ITGAE: variants seen among roughly 807,000 people sequenced by gnomAD.
ITGAE encodes integrin alpha-E.
Under a neutral mutation model 136.5 loss-of-function variants are expected in ITGAE, and 99 were observed. That is an observed-to-expected ratio of 0.73 (90% CI 0.62 to 0.86). The LOEUF (loss-of-function observed/expected upper bound fraction) is 0.86, where lower values mean the gene tolerates loss of function less well. Among genes scored for constraint, ITGAE ranks in the 40% least tolerant of loss-of-function variants. ITGAE has a pLI of 0.00. For missense variants in ITGAE, 1,447 were observed against 1,515.3 expected (o/e 0.95, Z 0.75); for synonymous variants, 613 against 591.8 (o/e 1.04, Z -0.52).
intron 2 of ITGAE, among the ~76,000 whole-genome samples, chr17:3,768,193 C>T (rs1021041182): frequency 1.3e-5 from 2 of 152,070 alleles, no homozygotes; most frequent in African/African-American, 2.4e-5. Context: ...GGCATGATCA[C>T]GGTTCACTGC....
chr17:3,718,023 C>T (rs531186108), intron 29 of ITGAE: 1 of 152,396 alleles, frequency 6.6e-6, no homozygotes, highest in South Asian at 2.1e-4. Flanking sequence ...CCCACAGATT[C>T]CCAAAAGTGC....
At chr17:3,785,565 A>G (rs747514330) in intron 1 of ITGAE, among the ~76,000 whole-genome samples, 98 of 151,818 alleles carry the variant, frequency 6.5e-4, no homozygotes, top group Non-Finnish European at 4.1e-4. Flanking sequence ...GAAAACTAGA[A>G]AAATCTGAAC....
At position 3,801,020 on chromosome 17, in the gene ITGAE, CAG is replaced by C. The variant is rs2053245936; in HGVS notation, c.34+89_34+90del. 4 of 1,439,160 alleles carry C rather than the reference CAG, an allele frequency of 2.8e-6. No individual in the cohort carries two copies. The East Asian group carries it at 6.8e-5, about 25-fold the overall frequency. The allele number at this position is 1,439,160 out of a possible 1,614,324, so 89.1% of individuals were successfully genotyped here. A position where few individuals can be genotyped will look rare whatever the true frequency, so the allele number is the denominator to read the frequency against. The stretch of plus-strand genomic sequence containing the variant: ...ACCTCTGGCTCTAACTGAGCCCCAT[CAG>C]AGACAGACAGTCAAGGCTGTAGTCT... On this transcript the variant is annotated intron_variant, in intron 1 of 30. Coordinates refer to ENST00000263087, the MANE Select transcript of ITGAE (RefSeq NM_002208.5).
chr17:3,770,859 G>GAA (rs2052404260), intron 2 of ITGAE, among the ~76,000 whole-genome samples: 1 of 151,910 alleles, frequency 6.6e-6, no homozygotes, highest in Non-Finnish European at 1.5e-5. Context: ...TGAGAGAGGG[G>GAA]CTGTGAATGT....
At chr17:3,743,175 C>A (rs2051626754) in intron 19 of ITGAE, among the ~76,000 whole-genome samples, 1 of 152,220 alleles carries the variant, frequency 6.6e-6, no homozygotes, top group Non-Finnish European at 1.5e-5. Flanking sequence ...GAGCCGCTTG[C>A]CAAGTGAGGT....
At chr17:3,800,488 C>T (rs4300684) in intron 1 of ITGAE, among the ~76,000 whole-genome samples, 19,504 of 152,204 alleles carry the variant, frequency 0.13, 1,626 homozygotes, top group African/African-American at 0.24. Flanking sequence ...CCCGAAAGGA[C>T]TCATGGCTTG....
chr17:3,784,202 G>A (rs1419867694), intron 1 of ITGAE, among the ~76,000 whole-genome samples: 1 of 152,006 alleles, frequency 6.6e-6, no homozygotes, highest in Non-Finnish European at 1.5e-5. Flanking sequence ...GGAGCTTGCA[G>A]TGAGCCGAGA....
intron 29 of ITGAE, 164 bp from the exon 30 acceptor site, chr17:3,716,962 T>G (rs2050955746): frequency 1.7e-6 from 1 of 572,852 alleles, no homozygotes; most frequent in Non-Finnish European, 3.1e-6. Context: ...TGATGCAGCA[T>G]TTTAGATCAT....
In ITGAE at chr17:3,748,056, A is replaced by G; in HGVS notation, c.2025-4T>C. On this transcript the variant is annotated splice_region_variant and splice_polypyrimidine_tract_variant and intron_variant, in intron 16 of 30. Transcript: ENST00000263087. The stretch of plus-strand genomic sequence containing the variant: ...CAGGCGAACCACAGGCCGGGAGCTA[A>G]ACAAGACAGCAAAGAGGATGGGAGA... The G allele has an allele frequency of 6.2e-7, 1 of 1,605,602 alleles. No individual in the cohort carries two copies. Among genetic ancestry groups the G allele is most frequent in the Non-Finnish European group, 8.5e-7 (1 of 1,174,812 alleles).
chr17:3,724,727 G>C (rs1349749878), intron 26 of ITGAE: 1 of 1,614,118 alleles, frequency 6.2e-7, no homozygotes, highest in African/African-American at 1.3e-5. Flanking sequence ...CAGATGGGAA[G>C]AATATGAGAG....
chr17:3,737,922 A>G (rs1466914702), intron 20 of ITGAE, among the ~76,000 whole-genome samples: 1 of 152,344 alleles, frequency 6.6e-6, no homozygotes, highest in East Asian at 1.9e-4. Context: ...TACCCCCAGT[A>G]GCTGGCTGGG....
chr17:3,753,877 G>C lies in ITGAE; in HGVS notation c.1433C>G (p.Ala478Gly). Residue 478 changes from alanine (A) to glycine (G), a missense_variant, in exon 13 of 31, where the codon GCG (alanine) becomes GGG (glycine). By Grantham distance (60) the Ala-to-Gly change is moderately conservative (BLOSUM62 0). This residue lies in a region of ITGAE where 1,031 missense variants were observed against 1,011.4 expected (regional missense o/e 1.02). Transcript: ENST00000263087. Reference protein sequence around the residue: ...LHKTCSLSYIAGAPRYKHHGA... With the variant: ...LHKTCSLSYIGGAPRYKHHGA... ...ATGATGTTTGTACCGTGGAGCCCCCGCGATGTAGGAGAGGCTGCAGGTCTT... is the reference window on the plus strand; with the variant it reads ...ATGATGTTTGTACCGTGGAGCCCCCCCGATGTAGGAGAGGCTGCAGGTCTT... The C allele has an allele frequency of 3.1e-6, 5 of 1,614,130 alleles. No homozygotes were observed. The highest frequency in any genetic ancestry group is 3.4e-6 in the Non-Finnish European group (4 of 1,180,014).
At chr17:3,750,282 G>A in intron 16 of ITGAE, 70 bp downstream of exon 16, 1 of 1,579,796 alleles carries the variant, frequency 6.3e-7, no homozygotes, top group Non-Finnish European at 8.6e-7. Context: ...ATGTCTGCAT[G>A]GAGCTATTTA....
At chr17:3,791,484 T>C (rs2052938570) in intron 1 of ITGAE, among the ~76,000 whole-genome samples, 1 of 152,186 alleles carries the variant, frequency 6.6e-6, no homozygotes, top group African/African-American at 2.4e-5. Context: ...GGTTTCGCCA[T>C]GTTGGCCAGG....
intron 21 of ITGAE, among the ~76,000 whole-genome samples, chr17:3,732,975 G>GT (rs2051380195): frequency 6.6e-6 from 1 of 152,026 alleles, no homozygotes; most frequent in Admixed American, 6.6e-5. Flanking sequence ...CTAGGAGATT[G>GT]TTTTTTGCTT....
chr17:3,717,687 G>GGACAAACTTACCTTTAAGGCCTC (rs1445016298), intron 29 of ITGAE: 2 of 152,176 alleles, frequency 1.3e-5, no homozygotes, highest in African/African-American at 4.8e-5. Context: ...GTGAAGGGCT[G>GGACAAACTTACCTTTAAGGCCTC]GACAAACTTA....
exon 1 of ITGAE, chr17:3,801,174 AGCCGAGGCGAGTGCGACACATGG>A: frequency 6.2e-7 from 1 of 1,607,822 alleles, no homozygotes; most frequent in Non-Finnish European, 8.5e-7. Context: ...GCTGTGTGGG[AGCCGAGGCGAGTGCGACACATGG>A]GCCGTGGCCC....
At chr17:3,772,549 C>T (rs765226103) in intron 2 of ITGAE, among the ~76,000 whole-genome samples, 8 of 151,506 alleles carry the variant, frequency 5.3e-5, no homozygotes, top group Non-Finnish European at 8.8e-5. Context: ...CTGCAAGCTC[C>T]GCCTCCCGCG....
At chr17:3,724,344 C>T (rs757059631) in intron 26 of ITGAE, 11 of 1,595,548 alleles carry the variant, frequency 6.9e-6, no homozygotes, top group South Asian at 2.2e-5. Context: ...CCGACTTCCG[C>T]CCTTCCCCAG....
Sources: gnomAD v4.1 joint callset for allele counts (sites outside exome capture counted in the v4.1 genomes callset) on GRCh38, gnomAD v4.1.1 for gene constraint, gnomAD v4.1.1 regional missense constraint, MANE v1.5 for transcripts, NCBI Gene and HGNC (gene_info 2026-07-23, HGNC 2026-07-21) for gene names.